The following VTN variants were observed in gnomAD, a reference collection of about 807,000 sequenced individuals.
VTN encodes complement S-protein.
In VTN, 45 loss-of-function variants were observed where a neutral mutation model predicts 55.9. The observed-to-expected ratio is 0.80, with a 90% confidence interval of 0.63 to 1.03. The LOEUF (loss-of-function observed/expected upper bound fraction) is 1.03, where lower values mean the gene tolerates loss of function less well. VTN is among the 50% of genes least tolerant of loss of function. VTN has a pLI of 0.00. For missense variants in VTN, 589 were observed against 638.2 expected (o/e 0.92, Z 0.83); for synonymous variants, 238 against 242.3 (o/e 0.98, Z 0.17).
chr17:28,369,695 G>T lies in VTN; in HGVS notation c.341C>A (p.Pro114His). 1 of 1,613,834 alleles carries T rather than the reference G, an allele frequency of 6.2e-7. No individual in the cohort carries two copies. The highest frequency in any genetic ancestry group is 8.5e-7 in the Non-Finnish European group (1 of 1,180,006). The stretch of plus-strand genomic sequence containing the variant: ...GGCCTCTTCCTCAGGTTTCAGAACA[G>T]GTGTCTGCTCAGGATTCCCTTTGGA... ...AQSKGNPEQT[P>H]VLKPEEEAPA... The change falls in exon 3 of 8, where the codon CCT (proline) becomes CAT (histidine). Residue 114 changes from proline (P) to histidine (H), a missense_variant. Pro to His is a moderately conservative substitution (Grantham distance 77, BLOSUM62 -2). This residue lies in a region of VTN where 217 missense variants were observed against 241.3 expected (regional missense o/e 0.90). Coordinates refer to ENST00000226218, the MANE Select transcript of VTN (RefSeq NM_000638.4). This position sits in a 1 kb window ranked among gnomAD's most constrained non-coding sequence, Gnocchi z 5.3.
Position 28,367,401 on chromosome 17 carries a change from A to G in VTN, c.1405T>C (p.Trp469Arg). The change falls in exon 8 of 8, where the codon TGG becomes CGG. Residue 469 changes from tryptophan (W) to arginine (R), a missense_variant. Physicochemically the swap from Trp to Arg is moderately radical, Grantham distance 101. This residue lies in a region of VTN where 334 missense variants were observed against 328.2 expected (regional missense o/e 1.02). Coordinates refer to ENST00000226218, the MANE Select transcript of VTN (RefSeq NM_000638.4). ...TGGCCAGGAGCTGGGCAGCCCAGCC[A>G]GTACTGAGCGATGGAGCGTGGGTAG... is the stretch of plus-strand genomic sequence containing the variant. ...PPYPRSIAQY[W>R]LGCPAPGHL 1 of 1,609,790 alleles carries G rather than the reference A, an allele frequency of 6.2e-7. No homozygotes were observed. The highest frequency in any genetic ancestry group is 8.5e-7 in the Non-Finnish European group (1 of 1,178,814).
At chr17:28,368,129 G>C in intron 6 of VTN, 70 bp from the exon 7 acceptor site, 11 of 1,348,238 alleles carry the variant, frequency 8.2e-6, no homozygotes. Context: ...GGGGCCATTA[G>C]AGTTCATCTG....
rs1372346608 is a variant in VTN at position 28,367,982 on chromosome 17, G to A, written c.1057C>T (p.Arg353Cys). 9.4e-6 allele frequency: 15 copies of A among 1,593,862 alleles called. No individual in the cohort carries two copies. Among genetic ancestry groups the A allele is most frequent in the African/African-American group, 2.7e-5 (2 of 74,648 alleles). ...PGQVDAAMAG[R>C]IYISGMAPRP... ...GGTGCCATGCCTGAGATGTAGATGCGGCCAGCCATGGCTGCGTCCACTTGC... is the reference window on the plus strand; with the variant it reads ...GGTGCCATGCCTGAGATGTAGATGCAGCCAGCCATGGCTGCGTCCACTTGC... Residue 353 changes from arginine (R) to cysteine (C), a missense_variant, in exon 7 of 8, where the codon CGC becomes TGC. This residue lies in a region of VTN where 334 missense variants were observed against 328.2 expected (regional missense o/e 1.02). Transcript: ENST00000226218.
At chr17:28,368,795 G>C (rs373600892) in intron 5 of VTN, 77 bp downstream of exon 5, 6 of 1,611,764 alleles carry the variant, frequency 3.7e-6, no homozygotes, top group Non-Finnish European at 5.1e-6. Flanking sequence ...ACATGCTGAG[G>C]CCTGTCCCCA....
Position 28,369,191 on chromosome 17 carries a change from G to C in VTN, c.669+98C>G. 1 of 1,511,394 alleles carries C rather than the reference G, an allele frequency of 6.6e-7. No homozygotes were observed. Among genetic ancestry groups the C allele is most frequent in the Non-Finnish European group, 8.8e-7 (1 of 1,130,182 alleles). 93.6% of individuals were successfully genotyped at this position (1,511,394 alleles called of 1,614,324 possible). ...ACAGAGCTCCCACCAGGTCCTGCAG[G>C]GCCCTGGGTCCAGCTTCCCTGTCCA... On this transcript the variant is annotated intron_variant, in intron 4 of 7. Coordinates refer to ENST00000226218, the MANE Select transcript of VTN (RefSeq NM_000638.4). This position sits in a 1 kb window ranked among gnomAD's most constrained non-coding sequence, Gnocchi z 5.3.
rs1487825672 is a variant in VTN, at chr17:28,367,386, C to G, written c.1420G>C (p.Ala474Pro). The change falls in exon 8 of 8, where the codon GCT (alanine) becomes CCT (proline). Residue 474 changes from alanine (A) to proline (P), a missense_variant. Transcript: ENST00000226218. ...SIAQYWLGCP[A>P]PGHL ...TCTGACTCCTACAGATGGCCAGGAG[C>G]TGGGCAGCCCAGCCAGTACTGAGCG... 1.9e-6 allele frequency: 3 copies of G among 1,594,868 alleles called. No homozygotes were observed. Among genetic ancestry groups the G allele is most frequent in the African/African-American group, 2.7e-5 (2 of 73,990 alleles).
In VTN at chr17:28,368,857, C is replaced by T; in HGVS notation, c.826+15G>A. The T allele has an allele frequency of 6.2e-7, 1 of 1,613,602 alleles. No homozygotes were observed. Among genetic ancestry groups the T allele is most frequent in the Non-Finnish European group, 8.5e-7 (1 of 1,179,854 alleles). On this transcript the variant is annotated intron_variant, in intron 5 of 7. Transcript: ENST00000226218. ...GCTCCACTGCCTGCTCAGTCTCCCACCACCCCCTGAGTACCCTTGAAGAAG... is the reference window on the plus strand; with the variant it reads ...GCTCCACTGCCTGCTCAGTCTCCCATCACCCCCTGAGTACCCTTGAAGAAG...
rs1555583505 is a variant in VTN, at chr17:28,369,035, G to A, written c.670-7C>T. ...AGCGCCAGTACTGACTACCCTAAGA[G>A]GTGGGGAAAGTGAAAAGGGGTATGG... On this transcript the variant is annotated splice_polypyrimidine_tract_variant and splice_region_variant and intron_variant, in intron 4 of 7. Transcript: ENST00000226218. The surrounding 1 kb of genome is among the most constrained non-coding windows in gnomAD (Gnocchi z 5.3). 1 of 1,575,792 alleles carries A rather than the reference G, an allele frequency of 6.3e-7. No homozygotes were observed. Among genetic ancestry groups the A allele is most frequent in the Non-Finnish European group, 8.6e-7 (1 of 1,166,498 alleles).
In VTN at chr17:28,369,175, C is replaced by T. The variant is rs565977487; in HGVS notation, c.669+114G>A. ...GGGCTGCCCTGTGCTCACAGAGCTC[C>T]CACCAGGTCCTGCAGGGCCCTGGGT... is the stretch of plus-strand genomic sequence containing the variant. On this transcript the variant is annotated intron_variant, in intron 4 of 7. Coordinates refer to ENST00000226218, the MANE Select transcript of VTN (RefSeq NM_000638.4). The surrounding 1 kb of genome is among the most constrained non-coding windows in gnomAD (Gnocchi z 5.3). 6.6e-7 allele frequency: 1 copy of T among 1,504,746 alleles called. No individual in the cohort carries two copies. The highest frequency in any genetic ancestry group is 2.3e-5 in the East Asian group (1 of 43,830). The allele number at this position is 1,504,746 out of a possible 1,614,324, so 93.2% of individuals were successfully genotyped here. A position where few individuals can be genotyped will look rare whatever the true frequency, so the allele number is the denominator to read the frequency against.
At position 28,369,051 on chromosome 17, in the gene VTN, AG is replaced by A. The variant is rs782772648; in HGVS notation, c.670-24del. On this transcript the variant is annotated intron_variant, in intron 4 of 7. Transcript: ENST00000226218. The surrounding 1 kb of genome is among the most constrained non-coding windows in gnomAD (Gnocchi z 5.3). ...ACCCTAAGAGGTGGGGAAAGTGAAA[AG>A]GGGTATGGAGGCCGCTGGCTGGGCA... 73 of 1,560,768 alleles carry A rather than the reference AG, an allele frequency of 4.7e-5. No homozygotes were observed. Among genetic ancestry groups the A allele is most frequent in the Admixed American group, 3.9e-4 (18 of 46,120 alleles).
chr17:28,367,920 A>C lies in VTN; in HGVS notation c.1119T>G (p.His373Gln), dbSNP rs1470406845. 12 of 1,610,920 alleles carry C rather than the reference A, an allele frequency of 7.4e-6. No homozygotes were observed. The highest frequency in any genetic ancestry group is 1.0e-5 in the Non-Finnish European group (12 of 1,178,518). The change falls in exon 7 of 8, where the codon CAT becomes CAG. Residue 373 changes from histidine to glutamine, a missense_variant. Transcript: ENST00000226218. ...PSLAKKQRFR[H>Q]RNRKGYRSQR... ...GTGAACGGTAGCCTTTGCGGTTGCG[A>C]TGCCTAAACCTTTGTTTCTTGGCCA...
intron 7 of VTN, 27 bp from the exon 8 acceptor site, chr17:28,367,508 G>T (rs151286672): frequency 6.9e-6 from 11 of 1,594,322 alleles, no homozygotes; most frequent in East Asian, 2.2e-5. Flanking sequence ...CAGAGGATGC[G>T]TGAGGCCCAG....
intron 7 of VTN, 110 bp from the exon 8 acceptor site, chr17:28,367,591 A>G (rs1597810290): frequency 5.8e-6 from 8 of 1,390,362 alleles, no homozygotes; most frequent in East Asian, 2.3e-5. Context: ...TCCATGATGC[A>G]GCTAAGGACT....
chr17:28,368,539 A>G lies in VTN; in HGVS notation c.961T>C (p.Phe321Leu), dbSNP rs2067926108. 2 of 1,614,038 alleles carry G rather than the reference A, an allele frequency of 1.2e-6. No individual in the cohort carries two copies. The highest frequency in any genetic ancestry group is 1.7e-6 in the Non-Finnish European group (2 of 1,180,018). The change falls in exon 6 of 8, where the codon TTC becomes CTC. Residue 321 changes from phenylalanine to leucine, a missense_variant. Phe to Leu is a conservative substitution (Grantham distance 22, BLOSUM62 0). This residue lies in a region of VTN where 334 missense variants were observed against 328.2 expected (regional missense o/e 1.02). Coordinates refer to ENST00000226218, the MANE Select transcript of VTN (RefSeq NM_000638.4). ...TCCATACCAGAGGTTCTGCCCCAGA[A>G]GAGAAGCTCGAAGATGTCCTCCCAG... ...DSWEDIFELLFWGRTSAGTRQ... is the reference protein window; with the variant it reads ...DSWEDIFELLLWGRTSAGTRQ...
rs1246116889 is a variant in VTN at position 28,367,388 on chromosome 17, G to A, written c.1418C>T (p.Pro473Leu). Residue 473 changes from proline to leucine, a missense_variant, in exon 8 of 8, where the codon CCA becomes CTA. This residue lies in a region of VTN where 334 missense variants were observed against 328.2 expected (regional missense o/e 1.02). Coordinates refer to ENST00000226218, the MANE Select transcript of VTN (RefSeq NM_000638.4). Reference sequence around the variant, plus strand: ...TGACTCCTACAGATGGCCAGGAGCTGGGCAGCCCAGCCAGTACTGAGCGAT... The same window carrying A: ...TGACTCCTACAGATGGCCAGGAGCTAGGCAGCCCAGCCAGTACTGAGCGAT... The part of the protein sequence containing the change: ...RSIAQYWLGC[P>L]APGHL The A allele has an allele frequency of 2.5e-6, 4 of 1,597,468 alleles. No individual in the cohort carries two copies. The East Asian group carries it at 9.0e-5, about 36-fold the overall frequency.
In VTN at chr17:28,369,278, G is replaced by C; in HGVS notation, c.669+11C>G. 6.4e-7 allele frequency: 1 copy of C among 1,572,760 alleles called. No homozygotes were observed. The highest frequency in any genetic ancestry group is 1.2e-5 in the South Asian group (1 of 86,628). ...TAGATGCTTTCTACCCTGGCCCACA[G>C]CCCCTGGCACCTTGAAGAGGTAGGT... is the stretch of plus-strand genomic sequence containing the variant. On this transcript the variant is annotated intron_variant, in intron 4 of 7. Transcript: ENST00000226218. The surrounding 1 kb of genome is among the most constrained non-coding windows in gnomAD (Gnocchi z 5.3).
rs1555583248 is a variant in VTN at position 28,367,843 on chromosome 17, G to A, written c.1196C>T (p.Ala399Val). 6 of 1,614,032 alleles carry A rather than the reference G, an allele frequency of 3.7e-6. No individual in the cohort carries two copies. Among genetic ancestry groups the A allele is most frequent in the Non-Finnish European group, 4.2e-6 (5 of 1,180,042 alleles). Residue 399 changes from alanine to valine, a missense_variant, in exon 7 of 8, where the codon GCC becomes GTC. Physicochemically the swap from Ala to Val is moderately conservative, Grantham distance 64 (BLOSUM62 0). Coordinates refer to ENST00000226218, the MANE Select transcript of VTN (RefSeq NM_000638.4). ...RNQNSRRPSR[A>V]TWLSLFSSEE... ...ACTGGAGAACAAGGACAGCCACGTG[G>A]CGCGGGATGGCCGGCGGGAGTTCTG...
chr17:28,368,221 T>G (rs902911251), intron 6 of VTN, among the ~76,000 whole-genome samples, 162 bp from the exon 7 acceptor site: 5 of 152,066 alleles, frequency 3.3e-5, no homozygotes, highest in African/African-American at 1.2e-4. Flanking sequence ...CCCCCTGTGC[T>G]TTCCCTCCAC....
rs370458755 is a variant in VTN, at chr17:28,369,735, C to T, written c.301G>A (p.Asp101Asn). The change falls in exon 3 of 8, where the codon GAC becomes AAC. Residue 101 changes from aspartate to asparagine, a missense_variant. Physicochemically the swap from Asp to Asn is conservative, Grantham distance 23. Around this residue, in one of 3 missense-constraint regions of VTN, gnomAD observed 217 missense variants for 241.3 expected, o/e 0.90. Transcript: ENST00000226218. The surrounding 1 kb of genome is among the most constrained non-coding windows in gnomAD (Gnocchi z 5.3). ...EQVGGPSLTSDLQAQSKGNPE... is the reference protein window; with the variant it reads ...EQVGGPSLTSNLQAQSKGNPE... ...TTCCCTTTGGACTGGGCCTGGAGGT[C>T]AGAGGTCAGGGAGGGGCCCCCCACC... The T allele has an allele frequency of 7.4e-6, 12 of 1,613,814 alleles. No homozygotes were observed. The highest frequency in any genetic ancestry group is 1.3e-5 in the African/African-American group (1 of 74,932).
Sources: allele counts gnomAD v4.1 joint callset (sites outside exome capture counted in the v4.1 genomes callset), GRCh38; gene constraint gnomAD v4.1.1; regional missense constraint gnomAD v4.1.1; non-coding constraint Gnocchi (gnomAD v3.1); transcripts MANE v1.5; gene names NCBI Gene and HGNC (gene_info 2026-07-23, HGNC 2026-07-21).